PCDHA11: variants seen among roughly 807,000 people sequenced by gnomAD.
PCDHA11 encodes the protein protocadherin alpha-11.
A neutral mutation model predicts 70.3 loss-of-function variants in PCDHA11; 61 were observed. The ratio of observed to expected loss-of-function variants is 0.87; its 90% confidence interval spans 0.71 to 1.07. PCDHA11 has a LOEUF of 1.07. PCDHA11 is among the 50% of genes least tolerant of loss of function. The pLI, the probability that PCDHA11 is intolerant of heterozygous loss-of-function variation, is 0.00. For synonymous variants in PCDHA11, 633 were observed against 555.1 expected (o/e 1.14, Z -1.97); for missense variants, 1,324 against 1,237.5 (o/e 1.07, Z -1.05).
chr5:140,870,090 G>A lies in PCDHA11; in HGVS notation c.987G>A (p.Met329Ile). Residue 329 changes from methionine to isoleucine, a missense_variant, in exon 1 of 4, where the codon ATG (methionine) becomes ATA (isoleucine). Physicochemically the swap from Met to Ile is conservative, Grantham distance 10 (BLOSUM62 1). Transcript: ENST00000398640. Reference sequence around the variant, plus strand: ...CTACAGATAAGGGGACTCCCCCAATGGCAGGTCACTGTACAGTCTGGGTGG... The same window carrying A: ...CTACAGATAAGGGGACTCCCCCAATAGCAGGTCACTGTACAGTCTGGGTGG... ...VQATDKGTPP[M>I]AGHCTVWVEI... is the part of the protein sequence containing the mutation. The A allele has an allele frequency of 1.9e-6, 3 of 1,613,854 alleles. No homozygotes were observed. Among genetic ancestry groups the A allele is most frequent in the South Asian group, 2.2e-5 (2 of 91,072 alleles).
chr5:140,955,175 A>G (rs1212192227), intron 1 of PCDHA11, among the ~76,000 whole-genome samples: 1 of 152,058 alleles, frequency 6.6e-6, no homozygotes, highest in Non-Finnish European at 1.5e-5. Flanking sequence ...TGGTTACTGT[A>G]GTTTTGTGGT....
intron 3 of PCDHA11, among the ~76,000 whole-genome samples, chr5:140,987,146 G>A (rs942853645): frequency 1.3e-5 from 2 of 151,812 alleles, no homozygotes; most frequent in Non-Finnish European, 2.9e-5. Flanking sequence ...CTCGGGAGGT[G>A]GAGGTTGCAG....
intron 3 of PCDHA11, among the ~76,000 whole-genome samples, chr5:141,003,398 G>A (rs1282074480): frequency 1.3e-5 from 2 of 152,114 alleles, no homozygotes; most frequent in African/African-American, 4.8e-5. Flanking sequence ...TGAAACCTCC[G>A]CCTCCCGGGT....
chr5:140,992,405 C>T (rs962261885), intron 3 of PCDHA11, among the ~76,000 whole-genome samples: 1 of 152,152 alleles, frequency 6.6e-6, no homozygotes, highest in Non-Finnish European at 1.5e-5. Context: ...AGATATTGTT[C>T]TGCCCCAGGT....
chr5:140,976,927 G>A (rs1322531610), intron 1 of PCDHA11, among the ~76,000 whole-genome samples: 2 of 152,184 alleles, frequency 1.3e-5, no homozygotes, highest in Admixed American at 1.3e-4. Context: ...CTAGTACTGT[G>A]TAGCTACTTA....
chr5:140,943,742 T>C (rs1326111617), intron 1 of PCDHA11, among the ~76,000 whole-genome samples: 2 of 152,200 alleles, frequency 1.3e-5, no homozygotes, highest in Non-Finnish European at 2.9e-5. Context: ...GTCCACAGTC[T>C]AAAAGCAGTA....
At chr5:140,875,616 C>A (rs2055654644) in intron 1 of PCDHA11, 2 of 1,613,748 alleles carry the variant, frequency 1.2e-6, no homozygotes, top group Admixed American at 1.7e-5. Context: ...TGGGCCGCAT[C>A]GCTCAGGACC....
chr5:140,875,738 G>A (rs1197047985), intron 1 of PCDHA11: 2 of 1,614,204 alleles, frequency 1.2e-6, no homozygotes, highest in Non-Finnish European at 1.7e-6. Context: ...GTGAATTCTC[G>A]GATCGACCGC....
chr5:141,000,391 C>CTATA (rs2097912428), intron 3 of PCDHA11, among the ~76,000 whole-genome samples: 2 of 56,664 alleles, frequency 3.5e-5, no homozygotes, highest in Non-Finnish European at 6.1e-5. Context: ...CTCTCTCTCT[C>CTATA]TCTCTATATA....
At chr5:140,928,120 G>A (rs368067553) in intron 1 of PCDHA11, 5 of 1,614,062 alleles carry the variant, frequency 3.1e-6, no homozygotes, top group African/African-American at 1.3e-5. Context: ...GCAGATCAGT[G>A]AATACCAAGT....
intron 3 of PCDHA11, among the ~76,000 whole-genome samples, chr5:140,990,141 C>A (rs2097376222): frequency 6.6e-6 from 1 of 151,818 alleles, no homozygotes; most frequent in African/African-American, 2.4e-5. Flanking sequence ...ACTCAAGAGG[C>A]ATAATAATAG....
intron 1 of PCDHA11, among the ~76,000 whole-genome samples, chr5:140,899,276 A>G (rs1402457704): frequency 2.8e-4 from 42 of 152,318 alleles, no homozygotes; most frequent in African/African-American, 9.4e-4. Flanking sequence ...GGCAGTTTTC[A>G]AAGGGAATAC....
rs782235924 is a variant in PCDHA11 at position 140,871,376 on chromosome 5, G to GCT, written c.2276_2277dup (p.Glu760LeufsTer19). The GCT allele has an allele frequency of 1.6e-5, 26 of 1,614,078 alleles. No homozygotes were observed. Among genetic ancestry groups the GCT allele is most frequent in the South Asian group, 1.4e-4 (13 of 91,094 alleles). ...TCGCAGCAGAGGCGGCAGAGGGTGT[G>GCT]CTCTGAGGAGGGCCCACCTAAGACG... On this transcript the variant is annotated frameshift_variant, in exon 1 of 4. Transcript: ENST00000398640. LOFTEE classifies it high-confidence loss of function.
At chr5:140,966,489 C>A in intron 1 of PCDHA11, 2 of 440,146 alleles carry the variant, frequency 4.5e-6, no homozygotes, top group Non-Finnish European at 7.9e-6. Flanking sequence ...TTCCCTCCCC[C>A]TGGAGCTGTA....
intron 1 of PCDHA11, among the ~76,000 whole-genome samples, chr5:140,950,025 T>C (rs907309880): frequency 6.6e-6 from 1 of 151,922 alleles, no homozygotes; most frequent in East Asian, 1.9e-4. Context: ...TCATAAAATA[T>C]AGAAAAGTTA....
chr5:140,890,543 CTGAG>C (rs1391853747), intron 1 of PCDHA11, among the ~76,000 whole-genome samples: 1 of 152,012 alleles, frequency 6.6e-6, no homozygotes, highest in African/African-American at 2.4e-5. Context: ...TTTGAAATGA[CTGAG>C]TACTTTTTAT....
In PCDHA11 at chr5:140,945,883, GAA is replaced by G. The variant is rs2093856247; in HGVS notation, c.2392-33063_2392-33062del. On this transcript the variant is annotated intron_variant, in intron 1 of 3. Transcript: ENST00000398640. ...GACCTGAAATTGTAAAACTAACAAA[GAA>G]AACACAGTGGGAAAGATGAAAGATC... Among the ~76,000 whole-genome samples the G allele has an allele frequency of 2.6e-5, 4 of 152,104 alleles. No homozygotes were observed. The South Asian group carries it at 8.3e-4, about 32-fold the overall frequency.
At chr5:140,960,303 C>G (rs2095539243) in intron 1 of PCDHA11, among the ~76,000 whole-genome samples, 1 of 152,132 alleles carries the variant, frequency 6.6e-6, no homozygotes, top group African/African-American at 2.4e-5. Context: ...TTCATCAATA[C>G]CAACCTCATT....
chr5:140,918,549 T>C (rs1313720970), intron 1 of PCDHA11, among the ~76,000 whole-genome samples: 3 of 152,222 alleles, frequency 2.0e-5, no homozygotes, highest in Non-Finnish European at 2.9e-5. Flanking sequence ...CCATGTGCAA[T>C]TGAGAAGAAT....
Sources: allele counts gnomAD v4.1 joint callset (sites outside exome capture counted in the v4.1 genomes callset), GRCh38; gene constraint gnomAD v4.1.1; transcripts MANE v1.5; gene names NCBI Gene and HGNC (gene_info 2026-07-23, HGNC 2026-07-21).